The following UBR3 variants were observed in gnomAD, a reference collection of about 807,000 sequenced individuals.
UBR3 encodes the protein E3 ubiquitin-protein ligase UBR3.
Under a neutral mutation model 243.2 loss-of-function variants are expected in UBR3, and 85 were observed. That is an observed-to-expected ratio of 0.35 (90% CI 0.29 to 0.42). The LOEUF (loss-of-function observed/expected upper bound fraction) is 0.42. Ranked by LOEUF, UBR3 falls within the 10% of genes least tolerant of loss-of-function variation. The pLI is 1.00. For synonymous variants in UBR3, 748 were observed against 799.8 expected (o/e 0.94, Z 1.09); for missense variants, 1,686 against 2,300.8 (o/e 0.73, Z 5.47).
In UBR3 at chr2:169,838,815, C is replaced by CA. The variant is rs1342293835; in HGVS notation, c.545+10766dup. On this transcript the variant is annotated intron_variant, in intron 1 of 38. Transcript: ENST00000272793. ...CATTTCAATCAGATACGGTGAGACT[C>CA]AAAGATACGCTTCATCCTGTGGCAG... Among the ~76,000 whole-genome samples, 7 of 152,252 alleles carry CA rather than the reference C, an allele frequency of 4.6e-5. No homozygotes were observed. The East Asian group carries it at 1.3e-3, about 29-fold the overall frequency.
chr2:170,015,185 A>G, intron 29 of UBR3, 96 bp from the exon 30 acceptor site: 1 of 1,022,534 alleles, frequency 9.8e-7, no homozygotes, highest in Non-Finnish European at 1.4e-6. Context: ...ATAAAGTTGA[A>G]GAACTTTATT....
chr2:170,021,865 G>T (rs1018051609), intron 30 of UBR3, among the ~76,000 whole-genome samples: 3 of 152,120 alleles, frequency 2.0e-5, no homozygotes, highest in Admixed American at 6.6e-5. Context: ...AGGCCTTTCT[G>T]TATTTATAAT....
chr2:169,842,813 C>T (rs930912284), intron 1 of UBR3, among the ~76,000 whole-genome samples: 1 of 152,254 alleles, frequency 6.6e-6, no homozygotes, highest in Non-Finnish European at 1.5e-5. Flanking sequence ...CGGCTTCATT[C>T]TTGAAGTCAG....
chr2:170,005,979 A>T (rs1350900646), intron 27 of UBR3, among the ~76,000 whole-genome samples: 1 of 152,132 alleles, frequency 6.6e-6, no homozygotes, highest in African/African-American at 2.4e-5. Context: ...TGAGAGATGT[A>T]GGAGGGTGAG....
intron 35 of UBR3, among the ~76,000 whole-genome samples, chr2:170,070,275 G>T (rs6708402): frequency 1.3e-5 from 2 of 152,092 alleles, no homozygotes; most frequent in African/African-American, 4.8e-5. Context: ...ATTTGTCAAA[G>T]AAAAGCATTT....
At chr2:169,951,616 G>A (rs2087035576) in intron 23 of UBR3, among the ~76,000 whole-genome samples, 1 of 152,104 alleles carries the variant, frequency 6.6e-6, no homozygotes, top group Non-Finnish European at 1.5e-5. Flanking sequence ...AACTCGCACA[G>A]GGTATAAATG....
At chr2:169,863,649 G>A (rs2083160872) in intron 1 of UBR3, among the ~76,000 whole-genome samples, 1 of 152,124 alleles carries the variant, frequency 6.6e-6, no homozygotes, top group Admixed American at 6.5e-5. Flanking sequence ...GTTCACTTGG[G>A]GAGAGATTGT....
chr2:169,921,046 A>G (rs1363965119), intron 11 of UBR3, among the ~76,000 whole-genome samples: 1 of 152,222 alleles, frequency 6.6e-6, no homozygotes, highest in Admixed American at 6.5e-5. Flanking sequence ...GATTTAAGAG[A>G]TACTTAAAAA....
Position 169,917,790 on chromosome 2 carries a change from C to T in UBR3, c.1866+3644C>T, listed in dbSNP as rs566768990. 9.9e-5 allele frequency among the ~76,000 whole-genome samples: 15 copies of T among 152,236 alleles called. No homozygotes were observed. In the East Asian group the frequency reaches 2.9e-3, roughly 29 times the overall value. Reference sequence around the variant, plus strand: ...CAATCTTGGCTCACTGCAACCTCCACCTCCTGGGTTCAAGCGATTCTCCTG... The same window carrying T: ...CAATCTTGGCTCACTGCAACCTCCATCTCCTGGGTTCAAGCGATTCTCCTG... On this transcript the variant is annotated intron_variant, in intron 11 of 38. Transcript: ENST00000272793.
chr2:169,869,618 G>A (rs2083374984), intron 1 of UBR3, among the ~76,000 whole-genome samples: 1 of 152,142 alleles, frequency 6.6e-6, no homozygotes, highest in East Asian at 1.9e-4. Context: ...CCAAAGAACT[G>A]TAATGAACTG....
chr2:170,039,440 G>A (rs939232578), intron 31 of UBR3, among the ~76,000 whole-genome samples: 2 of 151,886 alleles, frequency 1.3e-5, no homozygotes, highest in Non-Finnish European at 2.9e-5. Context: ...TTGAAAGACC[G>A]TATCAGGATT....
At chr2:169,853,650 A>G (rs1019822794) in intron 1 of UBR3, among the ~76,000 whole-genome samples, 2 of 151,920 alleles carry the variant, frequency 1.3e-5, no homozygotes, top group Admixed American at 6.6e-5. Context: ...GGGTTTCACC[A>G]TGTTGGCCAG....
chr2:169,993,231 G>A (rs1229308234), intron 25 of UBR3, among the ~76,000 whole-genome samples: 2 of 152,268 alleles, frequency 1.3e-5, no homozygotes, highest in African/African-American at 4.8e-5. Context: ...GTACATAAAT[G>A]TGATATGATA....
At chr2:170,037,536 C>T (rs1458075422) in intron 31 of UBR3, among the ~76,000 whole-genome samples, 4 of 151,960 alleles carry the variant, frequency 2.6e-5, no homozygotes, top group African/African-American at 4.8e-5. Flanking sequence ...CACAGGTGCA[C>T]GCCACCATGC....
rs770674966 is a variant in UBR3 at position 169,857,064 on chromosome 2, G to GTTTTTTTTTTTTTTTTTTTTTT, written c.546-15166_546-15145dup. On this transcript the variant is annotated intron_variant, in intron 1 of 38. Coordinates refer to ENST00000272793, the MANE Select transcript of UBR3 (RefSeq NM_172070.4). ...ATGATTTCCAGCATAATTTTATTAT[G>GTTTTTTTTTTTTTTTTTTTTTT]TTTTTTTTTTTTTTTTTTTTTTTTT... 2.9e-4 allele frequency among the ~76,000 whole-genome samples: 16 copies of GTTTTTTTTTTTTTTTTTTTTTT among 56,080 alleles called. 3 individuals are homozygous for GTTTTTTTTTTTTTTTTTTTTTT. Among genetic ancestry groups the GTTTTTTTTTTTTTTTTTTTTTT allele is most frequent in the South Asian group, 9.2e-4 (1 of 1,086 alleles). 36.8% of individuals were successfully genotyped at this position (56,080 alleles called of 152,430 possible).
chr2:169,944,397 A>G (rs1013189798), intron 20 of UBR3, among the ~76,000 whole-genome samples: 3 of 152,176 alleles, frequency 2.0e-5, no homozygotes, highest in Admixed American at 6.5e-5. Flanking sequence ...CAAATTATTT[A>G]TTATGCTCTT....
At position 169,924,016 on chromosome 2, in the gene UBR3, T is replaced by G. The variant is rs1443321424; in HGVS notation, c.1932+22T>G. 6 of 1,530,740 alleles carry G rather than the reference T, an allele frequency of 3.9e-6. No homozygotes were observed. In the South Asian group the frequency reaches 7.6e-5, roughly 19 times the overall value. 94.8% of individuals were successfully genotyped at this position (1,530,740 alleles called of 1,614,324 possible). ...TAAGGTAAGACTGTCATTAAACAAT[T>G]CTGTTCTTTTTTTTTTAATTTTCAG... On this transcript the variant is annotated intron_variant, in intron 12 of 38. Transcript: ENST00000272793.
At chr2:170,038,981 CAGAT>C (rs966697437) in intron 31 of UBR3, among the ~76,000 whole-genome samples, 30 of 152,024 alleles carry the variant, frequency 2.0e-4, no homozygotes, top group African/African-American at 7.2e-4. Flanking sequence ...AATGGATATT[CAGAT>C]AGAGAGTTCG....
chr2:169,938,426 A>G (rs1394075278), intron 19 of UBR3, among the ~76,000 whole-genome samples: 1 of 151,692 alleles, frequency 6.6e-6, no homozygotes, highest in Admixed American at 6.6e-5. Flanking sequence ...ACACATGGCT[A>G]ATTTTTGAAT....
Sources: allele counts gnomAD v4.1 joint callset (sites outside exome capture counted in the v4.1 genomes callset), GRCh38; gene constraint gnomAD v4.1.1; transcripts MANE v1.5; gene names NCBI Gene and HGNC (gene_info 2026-07-23, HGNC 2026-07-21).